Variants in ZNF135 observed in about 807,000 individuals in gnomAD.
ZNF135 encodes the protein zinc finger protein 135 (clone pHZ-17).
Under a neutral mutation model 12.3 loss-of-function variants are expected in ZNF135, and 11 were observed. That is an observed-to-expected ratio of 0.89 (90% confidence interval 0.56 to 1.48). The LOEUF (loss-of-function observed/expected upper bound fraction) is 1.48, where lower values mean the gene tolerates loss of function less well. Among genes scored for constraint, ZNF135 ranks in the 40% most tolerant of loss-of-function variants. ZNF135 has a pLI of 0.00. For synonymous variants in ZNF135, 316 were observed against 312.0 expected (o/e 1.01, Z -0.14); for missense variants, 722 against 815.7 (o/e 0.89, Z 1.40).
Position 58,060,367 on chromosome 19 carries a change from C to T in ZNF135, c.33+332C>T. On this transcript the variant is annotated intron_variant, in intron 2 of 4. Transcript: ENST00000313434. This position sits in a 1 kb window ranked among gnomAD's most constrained non-coding sequence, Gnocchi z 4.9. ...CGCCAAGCTCCCCAACCACAGCCTG[C>T]CTCTGAAAGGACCGCCCACGCCGCG... 7.9e-7 allele frequency: 1 copy of T among 1,267,226 alleles called. No homozygotes were observed. Among genetic ancestry groups the T allele is most frequent in the Non-Finnish European group, 1.0e-6 (1 of 998,000 alleles). The allele number at this position is 1,267,226 out of a possible 1,614,324, so 78.5% of individuals were successfully genotyped here. A position where few individuals can be genotyped will look rare whatever the true frequency, so the allele number is the denominator to read the frequency against.
In ZNF135 at chr19:58,060,105, C is replaced by G. The variant is rs2073945170; in HGVS notation, c.33+70C>G. 3 of 1,603,434 alleles carry G rather than the reference C, an allele frequency of 1.9e-6. No individual in the cohort carries two copies. The African/African-American group carries it at 4.0e-5, about 22-fold the overall frequency. On this transcript the variant is annotated intron_variant, in intron 2 of 4. Coordinates refer to ENST00000313434, the MANE Select transcript of ZNF135 (RefSeq NM_001289401.2). This position sits in a 1 kb window ranked among gnomAD's most constrained non-coding sequence, Gnocchi z 4.9. ...GGCCTCCTCGCGCGCGGCCTTCTCACGCCCGGCCTCCTCTTTGCACCCCGT... is the reference window on the plus strand; with the variant it reads ...GGCCTCCTCGCGCGCGGCCTTCTCAGGCCCGGCCTCCTCTTTGCACCCCGT...
At position 58,060,873 on chromosome 19, in the gene ZNF135, T is replaced by C. The variant is rs1256106478; in HGVS notation, c.34-707T>C. 6.6e-6 allele frequency among the ~76,000 whole-genome samples: 1 copy of C among 151,944 alleles called. No individual in the cohort carries two copies. Among genetic ancestry groups the C allele is most frequent in the Non-Finnish European group, 1.5e-5 (1 of 68,000 alleles). ...CGGGCGCGGTGGCTCGCACCTGTAA[T>C]CCCAGCACTTTGGGAGGCCGAGGTG... is the stretch of plus-strand genomic sequence containing the variant. On this transcript the variant is annotated intron_variant, in intron 2 of 4. Transcript: ENST00000313434. This position sits in a 1 kb window ranked among gnomAD's most constrained non-coding sequence, Gnocchi z 4.9.
intron 3 of ZNF135, 34 bp downstream of exon 3, chr19:58,061,740 G>T: frequency 1.3e-6 from 2 of 1,575,812 alleles, no homozygotes; most frequent in East Asian, 4.6e-5. Flanking sequence ...CTGTTGATCT[G>T]TCCCTGACAC....
rs1445223625 is a variant in ZNF135, at chr19:58,067,390, A to G, written c.906A>G (p.Glu302=). The part of the protein sequence containing the change: ...HTGEKPYECS[E]CGKSFSFRSS... The stretch of plus-strand genomic sequence containing the variant: ...GTGAGAAGCCCTATGAATGCAGCGA[A>G]TGTGGGAAATCCTTCAGTTTTAGGT... The change falls in exon 5 of 5, where the codon GAA becomes GAG. Residue 302 remains glutamate, a synonymous_variant. Transcript: ENST00000313434. 6.2e-7 allele frequency: 1 copy of G among 1,613,134 alleles called. No homozygotes were observed. The highest frequency in any genetic ancestry group is 1.3e-5 in the African/African-American group (1 of 74,724).
chr19:58,061,331 C>T (rs1431618246), intron 2 of ZNF135, among the ~76,000 whole-genome samples: 1 of 152,200 alleles, frequency 6.6e-6, no homozygotes, highest in African/African-American at 2.4e-5. Context: ...TGGTCCACTC[C>T]TTTATTGCTG....
Position 58,068,007 on chromosome 19 carries a change from C to A in ZNF135, c.1523C>A (p.Ser508Tyr). 1 of 1,613,720 alleles carries A rather than the reference C, an allele frequency of 6.2e-7. No individual in the cohort carries two copies. The highest frequency in any genetic ancestry group is 1.3e-5 in the African/African-American group (1 of 74,892). Reference protein sequence around the residue: ...DCGKAFSHSSSLTKHQRIHTG... With the variant: ...DCGKAFSHSSYLTKHQRIHTG... ...GGCAAGGCATTCAGTCACAGCTCGT[C>A]CCTCACCAAACATCAGCGAATCCAC... is the stretch of plus-strand genomic sequence containing the variant. Residue 508 changes from serine to tyrosine, a missense_variant, in exon 5 of 5, where the codon TCC becomes TAC. Physicochemically the swap from Ser to Tyr is moderately radical, Grantham distance 144. Transcript: ENST00000313434.
Position 58,065,023 on chromosome 19 carries a change from A to T in ZNF135, c.256+1482A>T, listed in dbSNP as rs1228729972. Among the ~76,000 whole-genome samples the T allele has an allele frequency of 6.6e-6, 1 of 152,234 alleles. No homozygotes were observed. Among genetic ancestry groups the T allele is most frequent in the African/African-American group, 2.4e-5 (1 of 41,472 alleles). ...TGGGGTCAGTGCCCCTAGCCCCCTC[A>T]TTGTTCAAGCGTCAACAATACTACA... On this transcript the variant is annotated intron_variant, in intron 4 of 4. Coordinates refer to ENST00000313434, the MANE Select transcript of ZNF135 (RefSeq NM_001289401.2). This position sits in a 1 kb window ranked among gnomAD's most constrained non-coding sequence, Gnocchi z 4.0.
chr19:58,063,537 C>T lies in ZNF135; in HGVS notation c.252C>T (p.Tyr84=), dbSNP rs781338674. Residue 84 remains tyrosine, a synonymous_variant, in exon 4 of 5, where the codon TAC becomes TAT. Coordinates refer to ENST00000313434, the MANE Select transcript of ZNF135 (RefSeq NM_001289401.2). This position sits in a 1 kb window ranked among gnomAD's most constrained non-coding sequence, Gnocchi z 4.4. ...AGTCTAGACTTCCCCAAGGCGTGTA[C>T]CCAGGTGAGATGGGAGCCCTTCGGG... ...AVESRLPQGV[Y]PDLETRPKVK... 11 of 1,614,076 alleles carry T rather than the reference C, an allele frequency of 6.8e-6. No individual in the cohort carries two copies. Among genetic ancestry groups the T allele is most frequent in the African/African-American group, 1.3e-5 (1 of 75,028 alleles).
intron 3 of ZNF135, among the ~76,000 whole-genome samples, 154 bp downstream of exon 3, chr19:58,061,860 A>G (rs1265570725): frequency 2.0e-5 from 3 of 152,214 alleles, no homozygotes; most frequent in Non-Finnish European, 2.9e-5. Context: ...TGTAGGAAAT[A>G]TCAATTAAGA....
At chr19:58,066,090 T>C (rs2074061158) in intron 4 of ZNF135, among the ~76,000 whole-genome samples, 1 of 152,160 alleles carries the variant, frequency 6.6e-6, no homozygotes, top group Non-Finnish European at 1.5e-5. Context: ...ACCCCTACCC[T>C]CAAGGGGTTC....
rs1205634115 is a variant in ZNF135, at chr19:58,067,874, A to C, written c.1390A>C (p.Lys464Gln). 6.2e-7 allele frequency: 1 copy of C among 1,613,092 alleles called. No individual in the cohort carries two copies. Among genetic ancestry groups the C allele is most frequent in the Non-Finnish European group, 8.5e-7 (1 of 1,179,828 alleles). ...GCATGAGCGGACACACACAGGAGAG[A>C]AGCCCTATGAGTGCAGTCAGTGTGG... ...SQHERTHTGE[K>Q]PYECSQCGKA... Residue 464 changes from lysine to glutamine, a missense_variant, in exon 5 of 5, where the codon AAG becomes CAG. Transcript: ENST00000313434.
At position 58,063,695 on chromosome 19, in the gene ZNF135, C is replaced by T. The variant is rs1391205029; in HGVS notation, c.256+154C>T. On this transcript the variant is annotated intron_variant, in intron 4 of 4. Coordinates refer to ENST00000313434, the MANE Select transcript of ZNF135 (RefSeq NM_001289401.2). This position sits in a 1 kb window ranked among gnomAD's most constrained non-coding sequence, Gnocchi z 4.4. ...ACCCATTTTGCTGTGAGTGACGACA[C>T]CACGTCCTCATCTCCACTGAATTTA... The T allele has an allele frequency of 7.0e-7, 1 of 1,421,838 alleles. No individual in the cohort carries two copies. Among genetic ancestry groups the T allele is most frequent in the African/African-American group, 1.4e-5 (1 of 69,366 alleles). 88.1% of individuals were successfully genotyped at this position (1,421,838 alleles called of 1,614,324 possible). A position where few individuals can be genotyped will look rare whatever the true frequency, so the allele number is the denominator to read the frequency against.
Position 58,068,428 on chromosome 19 carries a change from C to T in ZNF135, c.1944C>T (p.Ser648=). 1 of 1,614,056 alleles carries T rather than the reference C, an allele frequency of 6.2e-7. No individual in the cohort carries two copies. The highest frequency in any genetic ancestry group is 1.1e-5 in the South Asian group (1 of 91,076). Residue 648 remains serine, a synonymous_variant, in exon 5 of 5, where the codon TCC becomes TCT. Coordinates refer to ENST00000313434, the MANE Select transcript of ZNF135 (RefSeq NM_001289401.2). ...DCGKAFTHSS[S]LTKHQRTHTG ...GAAAGGCCTTTACCCACAGCTCCTCCCTTACCAAGCACCAGAGAACTCACA... is the reference window on the plus strand; with the variant it reads ...GAAAGGCCTTTACCCACAGCTCCTCTCTTACCAAGCACCAGAGAACTCACA...
At chr19:58,064,898 C>A (rs774134937) in intron 4 of ZNF135, among the ~76,000 whole-genome samples, 24 of 151,970 alleles carry the variant, frequency 1.6e-4, no homozygotes, top group Non-Finnish European at 3.2e-4. Flanking sequence ...TCAAAAAAAA[C>A]AAAGTGTTAA....
rs780912891 is a variant in ZNF135, at chr19:58,061,648, C to T, written c.102C>T (p.Ala34=). 75 of 1,613,300 alleles carry T rather than the reference C, an allele frequency of 4.6e-5. No individual in the cohort carries two copies. Among genetic ancestry groups the T allele is most frequent in the Non-Finnish European group, 5.7e-5 (67 of 1,179,734 alleles). Residue 34 remains alanine (A), a synonymous_variant, in exon 3 of 5, where the codon GCC becomes GCT. Transcript: ENST00000313434. ...SQEEWGQLKP[A]QRTLYRDVML... Reference sequence around the variant, plus strand: ...AGGAGTGGGGGCAGCTGAAGCCTGCCCAGAGGACCCTGTACCGTGATGTAA... The same window carrying T: ...AGGAGTGGGGGCAGCTGAAGCCTGCTCAGAGGACCCTGTACCGTGATGTAA...
intron 4 of ZNF135, among the ~76,000 whole-genome samples, chr19:58,064,540 T>A (rs2074035055): frequency 6.6e-6 from 1 of 152,134 alleles, no homozygotes; most frequent in Non-Finnish European, 1.5e-5. Context: ...AATAGCTTTT[T>A]CTTTAGCTTA....
In ZNF135 at chr19:58,068,301, A is replaced by G. The variant is rs1340968948; in HGVS notation, c.1817A>G (p.Tyr606Cys). 1.9e-6 allele frequency: 3 copies of G among 1,614,006 alleles called. No homozygotes were observed. The highest frequency in any genetic ancestry group is 2.2e-5 in the East Asian group (1 of 44,850). The change falls in exon 5 of 5, where the codon TAT becomes TGT. Residue 606 changes from tyrosine (Y) to cysteine (C), a missense_variant. Coordinates refer to ENST00000313434, the MANE Select transcript of ZNF135 (RefSeq NM_001289401.2). ...AGGACGCACACTGGGGAAAAGCCCTATGAGTGTCACGATTGCGGAAAGTCC... is the reference window on the plus strand; with the variant it reads ...AGGACGCACACTGGGGAAAAGCCCTGTGAGTGTCACGATTGCGGAAAGTCC... Reference protein sequence around the residue: ...HERTHTGEKPYECHDCGKSFR... With the variant: ...HERTHTGEKPCECHDCGKSFR...
Position 58,067,921 on chromosome 19 carries a change from A to T in ZNF135, c.1437A>T (p.Thr479=). Residue 479 remains threonine (T), a synonymous_variant, in exon 5 of 5, where the codon ACA becomes ACT. Coordinates refer to ENST00000313434, the MANE Select transcript of ZNF135 (RefSeq NM_001289401.2). ...SQCGKAFRQS[T]HLTQHQRIHT... is the part of the protein sequence containing the mutation. Reference sequence around the variant, plus strand: ...GTGGGAAGGCCTTCCGGCAGAGCACACACCTCACCCAACACCAGCGAATCC... The same window carrying T: ...GTGGGAAGGCCTTCCGGCAGAGCACTCACCTCACCCAACACCAGCGAATCC... 2 of 1,608,530 alleles carry T rather than the reference A, an allele frequency of 1.2e-6. No individual in the cohort carries two copies. The highest frequency in any genetic ancestry group is 1.4e-5 in the African/African-American group (1 of 73,054).
intron 3 of ZNF135, 59 bp downstream of exon 3, chr19:58,061,765 C>A (rs1486118232): frequency 1.9e-6 from 3 of 1,545,584 alleles, no homozygotes; most frequent in Non-Finnish European, 2.6e-6. Context: ...TCTGATTCTA[C>A]CAGGTTAAAT....
Sources: allele counts gnomAD v4.1 joint callset (sites outside exome capture counted in the v4.1 genomes callset), GRCh38; gene constraint gnomAD v4.1.1; non-coding constraint Gnocchi (gnomAD v3.1); transcripts MANE v1.5; gene names NCBI Gene and HGNC (gene_info 2026-07-23, HGNC 2026-07-21).